ANTXR1: variants seen among roughly 807,000 people sequenced by gnomAD.
ANTXR1 encodes ANTXR cell adhesion molecule 1, also known as anthrax toxin receptor 1.
In ANTXR1, 19 loss-of-function variants were observed where a neutral mutation model predicts 78.1. That is an observed-to-expected ratio of 0.24 (90% CI 0.17 to 0.36). The LOEUF (loss-of-function observed/expected upper bound fraction) is 0.36. ANTXR1 is among the 10% of genes least tolerant of loss of function. The pLI is 1.00. For missense variants in ANTXR1, 518 were observed against 718.6 expected, an observed-to-expected ratio of 0.72 and a Z score of 3.19; for synonymous variants, 273 against 260.5, an observed-to-expected ratio of 1.05 and a Z score of -0.46.
intron 3 of ANTXR1, among the ~76,000 whole-genome samples, chr2:69,067,077 C>A (rs1311357447): frequency 6.6e-6 from 1 of 152,034 alleles, no homozygotes; most frequent in Non-Finnish European, 1.5e-5. Flanking sequence ...TAAAACACAC[C>A]CACAATTCCT....
chr2:69,015,697 A>C (rs775421215), intron 1 of ANTXR1, among the ~76,000 whole-genome samples: 63 of 152,146 alleles, frequency 4.1e-4, no homozygotes, highest in Non-Finnish European at 8.4e-4. Context: ...TAGAGCTTTT[A>C]AAACATGATA....
At chr2:69,084,998 G>A (rs550312886) in intron 8 of ANTXR1, among the ~76,000 whole-genome samples, 16 of 151,804 alleles carry the variant, frequency 1.1e-4, no homozygotes, top group Admixed American at 3.3e-4. Flanking sequence ...GACTACAGGC[G>A]CCTGCCACCA....
At position 69,236,443 on chromosome 2, in the gene ANTXR1, T is replaced by C. The variant is rs545630415; in HGVS notation, c.1435-8782T>C. On this transcript the variant is annotated intron_variant, in intron 17 of 17. Transcript: ENST00000303714. Reference sequence around the variant, plus strand: ...AGTGAACAGGGAAACAATAATACAATTCCTTCAGATAGTCAAATTGGCAAA... The same window carrying C: ...AGTGAACAGGGAAACAATAATACAACTCCTTCAGATAGTCAAATTGGCAAA... Among the ~76,000 whole-genome samples, 6 of 152,274 alleles carry C rather than the reference T, an allele frequency of 3.9e-5. No individual in the cohort carries two copies. In the South Asian group the frequency reaches 1.2e-3, roughly 32 times the overall value.
At chr2:69,033,242 A>G (rs868160633) in intron 1 of ANTXR1, among the ~76,000 whole-genome samples, 8 of 152,148 alleles carry the variant, frequency 5.3e-5, no homozygotes, top group Middle Eastern at 3.2e-3. Context: ...AAGAAGTTGG[A>G]GTGGAGGCAA....
chr2:69,152,044 C>T, intron 12 of ANTXR1, 125 bp from the exon 13 acceptor site: 1 of 940,000 alleles, frequency 1.1e-6, no homozygotes. Flanking sequence ...GAGTTTCAAC[C>T]ATTTGCTTGG....
chr2:69,239,960 CA>C (rs1312839347), intron 17 of ANTXR1, among the ~76,000 whole-genome samples: 1 of 152,136 alleles, frequency 6.6e-6, no homozygotes, highest in African/African-American at 2.4e-5. Flanking sequence ...GAAGGTAACC[CA>C]AAAAGTATTT....
intron 8 of ANTXR1, among the ~76,000 whole-genome samples, chr2:69,087,826 T>C (rs73934679): frequency 6.6e-4 from 101 of 152,248 alleles, no homozygotes; most frequent in African/African-American, 2.3e-3. Context: ...TCTGCTACAG[T>C]TCAGACAGGC....
At chr2:69,025,830 G>A (rs960833862) in intron 1 of ANTXR1, among the ~76,000 whole-genome samples, 1 of 152,158 alleles carries the variant, frequency 6.6e-6, no homozygotes, top group African/African-American at 2.4e-5. Flanking sequence ...GCATAATTAT[G>A]AATGTCTTCT....
intron 12 of ANTXR1, chr2:69,145,289 A>G: frequency 1.3e-6 from 2 of 1,557,330 alleles, no homozygotes; most frequent in Non-Finnish European, 1.7e-6. Context: ...AGCCCTTATA[A>G]TTTTGCATTT....
chr2:69,222,880 TAC>T (rs1204527256), intron 17 of ANTXR1, among the ~76,000 whole-genome samples: 2 of 152,242 alleles, frequency 1.3e-5, no homozygotes, highest in African/African-American at 4.8e-5. Context: ...CTGCATAAAT[TAC>T]AGTTTTGTAA....
At chr2:69,031,669 G>A (rs1210737891) in intron 1 of ANTXR1, among the ~76,000 whole-genome samples, 1 of 152,088 alleles carries the variant, frequency 6.6e-6, no homozygotes, top group Non-Finnish European at 1.5e-5. Flanking sequence ...CTAAGGCATG[G>A]ATTTCTTCAC....
intron 3 of ANTXR1, among the ~76,000 whole-genome samples, chr2:69,060,934 C>G (rs1210493262): frequency 6.6e-6 from 1 of 152,076 alleles, no homozygotes; most frequent in Non-Finnish European, 1.5e-5. Context: ...GCACAAAGAC[C>G]ATCTTTGAGG....
At chr2:69,080,116 T>C (rs1306941509) in intron 8 of ANTXR1, among the ~76,000 whole-genome samples, 3 of 152,260 alleles carry the variant, frequency 2.0e-5, no homozygotes, top group African/African-American at 7.2e-5. Context: ...ATCTGTGAGT[T>C]ATGCTAGTGG....
At chr2:69,059,671 A>G (rs1670174589) in intron 3 of ANTXR1, among the ~76,000 whole-genome samples, 1 of 152,216 alleles carries the variant, frequency 6.6e-6, no homozygotes, top group South Asian at 2.1e-4. Context: ...TTTTAAAGAC[A>G]TACTACTATT....
intron 17 of ANTXR1, among the ~76,000 whole-genome samples, chr2:69,217,735 T>G (rs996952670): frequency 1.1e-4 from 16 of 152,172 alleles, no homozygotes; most frequent in African/African-American, 3.1e-4. Flanking sequence ...GGAGCAGGCC[T>G]GGGTGGAGGG....
intron 3 of ANTXR1, among the ~76,000 whole-genome samples, chr2:69,058,811 C>A (rs1410201742): frequency 1.3e-5 from 2 of 152,158 alleles, no homozygotes; most frequent in Non-Finnish European, 2.9e-5. Flanking sequence ...ATTGTAGATG[C>A]CATTAAGAAC....
At chr2:69,108,902 T>G (rs1341766317) in intron 10 of ANTXR1, among the ~76,000 whole-genome samples, 1 of 152,200 alleles carries the variant, frequency 6.6e-6, no homozygotes, top group African/African-American at 2.4e-5. Context: ...AGAACTAATT[T>G]AATCAAATTT....
chr2:69,124,359 T>G (rs1280517343), intron 11 of ANTXR1, among the ~76,000 whole-genome samples: 1 of 152,144 alleles, frequency 6.6e-6, no homozygotes, highest in Admixed American at 6.5e-5. Context: ...CTGACACTTC[T>G]CTAAACTTTA....
intron 7 of ANTXR1, 88 bp downstream of exon 7, chr2:69,075,746 T>A: frequency 8.6e-7 from 1 of 1,160,650 alleles, no homozygotes; most frequent in Non-Finnish European, 1.3e-6. Context: ...GGAAGATCAA[T>A]GGAATAAATG....
Sources: gnomAD v4.1 joint callset for allele counts (sites outside exome capture counted in the v4.1 genomes callset) on GRCh38, gnomAD v4.1.1 for gene constraint, MANE v1.5 for transcripts, NCBI Gene and HGNC (gene_info 2026-07-23, HGNC 2026-07-21) for gene names.